The following NCAPH variants were observed in gnomAD, a reference collection of about 807,000 sequenced individuals.
NCAPH encodes non-SMC condensin I complex subunit H.
NCAPH carries 38 observed loss-of-function variants against 85.5 expected under a neutral mutation model. The ratio of observed to expected loss-of-function variants is 0.44; its 90% CI spans 0.34 to 0.58. The LOEUF is 0.58. Ranked by LOEUF, NCAPH falls within the 20% of genes least tolerant of loss-of-function variation. The pLI is 0.01. For synonymous variants in NCAPH, 301 were observed against 335.1 expected, an observed-to-expected ratio of 0.90 and a Z score of 1.11; for missense variants, 789 against 916.6, an observed-to-expected ratio of 0.86 and a Z score of 1.80.
intron 17 of NCAPH, among the ~76,000 whole-genome samples, chr2:96,371,066 A>G (rs894308607): frequency 2.0e-5 from 3 of 152,220 alleles, no homozygotes; most frequent in African/African-American, 7.2e-5. Context: ...TATATGAAGA[A>G]TGACTAAGAA....
At chr2:96,347,236 A>G (rs1395872345) in intron 6 of NCAPH, among the ~76,000 whole-genome samples, 1 of 150,522 alleles carries the variant, frequency 6.6e-6, no homozygotes, top group African/African-American at 2.4e-5. Flanking sequence ...GCCTATCCTC[A>G]GGCTGGCACC....
In NCAPH at chr2:96,341,526, G is replaced by A. The variant is rs1573063423; in HGVS notation, c.20-116G>A. On this transcript the variant is annotated intron_variant, in intron 1 of 17. Transcript: ENST00000240423. Reference sequence around the variant, plus strand: ...TTCTAGCCATTAAGTATTAGAGTTGGAGAAGATCTCAGTGGACAGTGTGTG... The same window carrying A: ...TTCTAGCCATTAAGTATTAGAGTTGAAGAAGATCTCAGTGGACAGTGTGTG... 6 of 1,343,604 alleles carry A rather than the reference G, an allele frequency of 4.5e-6. No homozygotes were observed. In the East Asian group the frequency reaches 1.2e-4, roughly 26 times the overall value. 83.2% of individuals were successfully genotyped at this position (1,343,604 alleles called of 1,614,324 possible). A position where few individuals can be genotyped will look rare whatever the true frequency, so the allele number is the denominator to read the frequency against.
chr2:96,346,488 T>G (rs916044012), intron 6 of NCAPH, among the ~76,000 whole-genome samples: 2 of 152,052 alleles, frequency 1.3e-5, no homozygotes, highest in African/African-American at 4.8e-5. Context: ...TATGGGATCC[T>G]GTTGAGCTGA....
chr2:96,338,834 G>A (rs1436948978), intron 1 of NCAPH, among the ~76,000 whole-genome samples: 4 of 152,048 alleles, frequency 2.6e-5, no homozygotes, highest in South Asian at 2.1e-4. Context: ...TTTTTGAGAC[G>A]GAGTCTCACT....
intron 13 of NCAPH, among the ~76,000 whole-genome samples, chr2:96,364,800 T>G (rs772275500): frequency 6.6e-6 from 1 of 152,210 alleles, no homozygotes; most frequent in Non-Finnish European, 1.5e-5. Context: ...TTACCTCACA[T>G]CCTACATGCA....
At chr2:96,347,661 T>A (rs2064379918) in intron 6 of NCAPH, among the ~76,000 whole-genome samples, 1 of 152,186 alleles carries the variant, frequency 6.6e-6, no homozygotes, top group Non-Finnish European at 1.5e-5. Context: ...ATCAGAGTTC[T>A]ATAGATCTTA....
intron 17 of NCAPH, among the ~76,000 whole-genome samples, chr2:96,372,871 G>A (rs1436196329): frequency 2.0e-5 from 3 of 152,126 alleles, no homozygotes. Flanking sequence ...AATCATATAT[G>A]TGTATTTGAT....
intron 13 of NCAPH, among the ~76,000 whole-genome samples, chr2:96,364,972 C>G (rs2064674944): frequency 6.6e-6 from 1 of 152,130 alleles, no homozygotes; most frequent in African/African-American, 2.4e-5. Context: ...CCAGATCACA[C>G]CATATGTGAT....
intron 3 of NCAPH, 36 bp downstream of exon 3, chr2:96,342,176 C>T (rs1417126493): frequency 6.7e-7 from 1 of 1,489,476 alleles, no homozygotes; most frequent in African/African-American, 1.4e-5. Flanking sequence ...AAGACGTAAT[C>T]CCTTGATCAC....
rs555634635 is a variant in NCAPH, at chr2:96,375,419, G to A, written c.*2068G>A. 2.6e-5 allele frequency among the ~76,000 whole-genome samples: 4 copies of A among 152,236 alleles called. No individual in the cohort carries two copies. Among genetic ancestry groups the A allele is most frequent in the South Asian group, 2.1e-4 (1 of 4,816 alleles). ...ATTAGGTTATGAGGGCAGATCCCTC[G>A]TGAATGGGATTAGTGCTCTTATAAA... On this transcript the variant is annotated 3_prime_UTR_variant, in exon 18 of 18. Transcript: ENST00000240423.
In NCAPH at chr2:96,351,869, T is replaced by C. The variant is rs1262439524; in HGVS notation, c.759T>C (p.Asp253=). Residue 253 remains aspartate (D), a synonymous_variant, in exon 7 of 18, where the codon GAT becomes GAC. Coordinates refer to ENST00000240423, the MANE Select transcript of NCAPH (RefSeq NM_015341.5). ...PMFQKTAASF[D]ECSTAGVFLS... is the part of the protein sequence containing the mutation. ...TTCAGAAGACAGCAGCCTCATTTGA[T>C]GAGTGCAGCACAGCAGGGGTGTTTC... 1 of 1,609,854 alleles carries C rather than the reference T, an allele frequency of 6.2e-7. No individual in the cohort carries two copies. The highest frequency in any genetic ancestry group is 8.5e-7 in the Non-Finnish European group (1 of 1,178,866).
At chr2:96,337,015 T>C (rs2064223270) in intron 1 of NCAPH, among the ~76,000 whole-genome samples, 1 of 152,168 alleles carries the variant, frequency 6.6e-6, no homozygotes, top group Admixed American at 6.5e-5. Flanking sequence ...AAGTTATAGA[T>C]GATCACGAAA....
At position 96,342,563 on chromosome 2, in the gene NCAPH, G is replaced by A. The variant is rs531923802; in HGVS notation, c.364-193G>A. Among the ~76,000 whole-genome samples the A allele has an allele frequency of 6.6e-5, 10 of 152,318 alleles. No individual in the cohort carries two copies. In the South Asian group the frequency reaches 1.0e-3, roughly 16 times the overall value. ...ACTGAGCATTCAGGAATTTTGTGCCGTCATTCCCTAGCCTTGAACATGAGG... is the reference window on the plus strand; with the variant it reads ...ACTGAGCATTCAGGAATTTTGTGCCATCATTCCCTAGCCTTGAACATGAGG... On this transcript the variant is annotated intron_variant, in intron 3 of 17. Coordinates refer to ENST00000240423, the MANE Select transcript of NCAPH (RefSeq NM_015341.5).
chr2:96,361,175 A>G (rs1481516471), intron 12 of NCAPH, among the ~76,000 whole-genome samples: 5 of 149,872 alleles, frequency 3.3e-5, no homozygotes, highest in Non-Finnish European at 1.5e-5. Flanking sequence ...CAGCCTCCCA[A>G]GTAACTGGGA....
chr2:96,337,620 G>T (rs578255143), intron 1 of NCAPH, among the ~76,000 whole-genome samples: 1 of 152,024 alleles, frequency 6.6e-6, no homozygotes, highest in East Asian at 1.9e-4. Flanking sequence ...GGGTTTCACC[G>T]TGTTAGTCAG....
chr2:96,357,399 T>G (rs1032891444), intron 9 of NCAPH, among the ~76,000 whole-genome samples: 4 of 152,200 alleles, frequency 2.6e-5, no homozygotes, highest in African/African-American at 9.6e-5. Flanking sequence ...AAATTGGGAC[T>G]GGTAGGATGC....
chr2:96,369,107 C>G (rs1486314778), intron 16 of NCAPH, 44 bp downstream of exon 16: 1 of 1,530,772 alleles, frequency 6.5e-7, no homozygotes, highest in African/African-American at 1.4e-5. Flanking sequence ...GCTCACCTCT[C>G]TGAGCTGTCC....
rs1573064582 is a variant in NCAPH, at chr2:96,342,059, C to T, written c.282C>T (p.Asp94=). Residue 94 remains aspartate, a synonymous_variant, in exon 3 of 18, where the codon GAC becomes GAT. Transcript: ENST00000240423. The stretch of plus-strand genomic sequence containing the variant: ...TTTGTTTTCCATTTAGGAGTATTGA[C>T]ATTTCAGCTACTATCCCCAAGTTTA... ...LLASPSSRSI[D]ISATIPKFTN... The T allele has an allele frequency of 6.2e-7, 1 of 1,609,914 alleles. No individual in the cohort carries two copies. Among genetic ancestry groups the T allele is most frequent in the African/African-American group, 1.3e-5 (1 of 74,890 alleles).
At chr2:96,370,672 CA>C (rs2064760484) in intron 17 of NCAPH, among the ~76,000 whole-genome samples, 1 of 152,180 alleles carries the variant, frequency 6.6e-6, no homozygotes, top group African/African-American at 2.4e-5. Context: ...GTCCAGTTAG[CA>C]GAAGCTAGTT....
Sources: gnomAD v4.1 joint callset for allele counts (sites outside exome capture counted in the v4.1 genomes callset) on GRCh38, gnomAD v4.1.1 for gene constraint, MANE v1.5 for transcripts, NCBI Gene and HGNC (gene_info 2026-07-23, HGNC 2026-07-21) for gene names.